Variants in EFR3A observed in about 807,000 individuals in gnomAD.
The protein encoded by EFR3A is protein EFR3 homolog A.
A neutral mutation model predicts 104.4 loss-of-function variants in EFR3A; 76 were observed. The observed-to-expected ratio is 0.73, with a 90% CI of 0.60 to 0.88. EFR3A has a LOEUF of 0.88. EFR3A is among the 40% of genes least tolerant of loss of function. The pLI is 0.00. For synonymous variants in EFR3A, 330 were observed against 330.0 expected (o/e 1.00, Z 0.00); for missense variants, 985 against 1,012.5 (o/e 0.97, Z 0.37).
At chr8:131,905,260 A>G (rs1393241709) in intron 1 of EFR3A, among the ~76,000 whole-genome samples, 2 of 152,170 alleles carry the variant, frequency 1.3e-5, no homozygotes, top group African/African-American at 2.4e-5. Context: ...ACTTGTGAAT[A>G]TATTTCCTAG....
rs1563685054 is a variant in EFR3A at position 131,978,933 on chromosome 8, G to A, written c.1413G>A (p.Glu471=). ...LDPLLSPSLM[E]DYELRQLVLE... is the part of the protein sequence containing the mutation. ...CTTTGTTATCACCATCTCTCATGGA[G>A]GACTACGAACTGAGACAGTTGGTCT... Residue 471 remains glutamate, a synonymous_variant, in exon 13 of 23, where the codon GAG becomes GAA. Transcript: ENST00000254624. The A allele has an allele frequency of 6.2e-7, 1 of 1,613,148 alleles. No homozygotes were observed. Among genetic ancestry groups the A allele is most frequent in the East Asian group, 2.2e-5 (1 of 44,846 alleles).
chr8:131,922,587 A>G (rs868266490), intron 1 of EFR3A, among the ~76,000 whole-genome samples: 2 of 152,290 alleles, frequency 1.3e-5, no homozygotes, highest in South Asian at 2.1e-4. Context: ...AACCCACAAC[A>G]CTTGTCCATT....
Position 132,010,916 on chromosome 8 carries a change from G to C in EFR3A, c.*21G>C, listed in dbSNP as rs4736529. On this transcript the variant is annotated 3_prime_UTR_variant, in exon 23 of 23. Coordinates refer to ENST00000254624, the MANE Select transcript of EFR3A (RefSeq NM_015137.6). ...ACTGATCGGCGCATGAAGACCTCAGGATATGATTTGTAAAGCCTAAAAATT... is the reference window on the plus strand; with the variant it reads ...ACTGATCGGCGCATGAAGACCTCAGCATATGATTTGTAAAGCCTAAAAATT... 1,311,102 of 1,568,626 alleles carry C rather than the reference G, an allele frequency of 0.84. 549,153 individuals carry two copies. The highest frequency in any genetic ancestry group is 0.95 in the East Asian group (42,204 of 44,430).
chr8:131,977,123 C>T (rs774449330), intron 12 of EFR3A, 31 bp downstream of exon 12: 6 of 1,510,932 alleles, frequency 4.0e-6, no homozygotes, highest in South Asian at 2.5e-5. Flanking sequence ...AAAGGACACA[C>T]TTAACCTTAA....
chr8:132,008,519 T>G (rs1366890450), intron 22 of EFR3A, among the ~76,000 whole-genome samples: 1 of 151,514 alleles, frequency 6.6e-6, no homozygotes, highest in Admixed American at 6.6e-5. Context: ...TTGGGGTAAA[T>G]CTGAAAAACA....
chr8:131,987,613 A>G lies in EFR3A; in HGVS notation c.1976A>G (p.Tyr659Cys). Residue 659 changes from tyrosine (Y) to cysteine (C), a missense_variant, in exon 18 of 23, where the codon TAC becomes TGC. By Grantham distance (194) the Tyr-to-Cys change is radical (BLOSUM62 -2). Transcript: ENST00000254624. The stretch of plus-strand genomic sequence containing the variant: ...TTAGAGAAGCATGAAAAAGATTTGT[A>G]CTTTCTGACCAACAAGATTGCAGAG... ...KSLEKHEKDL[Y>C]FLTNKIAESL... 1.3e-6 allele frequency: 2 copies of G among 1,597,774 alleles called. No homozygotes were observed. The highest frequency in any genetic ancestry group is 1.3e-5 in the African/African-American group (1 of 74,844).
intron 1 of EFR3A, among the ~76,000 whole-genome samples, chr8:131,919,987 T>G (rs747194311): frequency 3.9e-5 from 6 of 152,256 alleles, no homozygotes; most frequent in Middle Eastern, 6.8e-3. Context: ...AAGACTTTTC[T>G]GCATGCTGAA....
At chr8:131,967,026 C>T (rs1385747833) in intron 8 of EFR3A, among the ~76,000 whole-genome samples, 1 of 152,258 alleles carries the variant, frequency 6.6e-6, no homozygotes, top group East Asian at 1.9e-4. Flanking sequence ...TCTGCAGTGT[C>T]CCCATTTGGA....
At chr8:132,004,842 T>C (rs1372242297) in intron 22 of EFR3A, among the ~76,000 whole-genome samples, 2 of 152,196 alleles carry the variant, frequency 1.3e-5, no homozygotes, top group Admixed American at 1.3e-4. Flanking sequence ...AGTGGCAAAG[T>C]CAAAATTCAA....
At chr8:131,944,647 T>C (rs1291430698) in intron 2 of EFR3A, 98 bp from the exon 3 acceptor site, 5 of 1,205,946 alleles carry the variant, frequency 4.1e-6, no homozygotes, top group Non-Finnish European at 5.7e-6. Context: ...TATCGTTTAA[T>C]CCCCAATCCA....
intron 5 of EFR3A, among the ~76,000 whole-genome samples, chr8:131,952,637 A>G (rs1363901070): frequency 6.6e-6 from 1 of 152,162 alleles, no homozygotes; most frequent in East Asian, 1.9e-4. Context: ...AGGCTTGCCC[A>G]CTGTGATAGC....
In EFR3A at chr8:131,970,627, TATC is replaced by T; in HGVS notation, c.1147_1149del (p.Ile383del). Reference sequence around the variant, plus strand: ...ATGATGAGAAGATTGTGCAGAATGCTATCATCCAAACAATAGGTGAGTACATTT... The same window carrying T: ...ATGATGAGAAGATTGTGCAGAATGCTATCCAAACAATAGGTGAGTACATTT... On this transcript the variant is annotated inframe_deletion, in exon 10 of 23. Transcript: ENST00000254624. 1 of 1,613,600 alleles carries T rather than the reference TATC, an allele frequency of 6.2e-7. No homozygotes were observed. The highest frequency in any genetic ancestry group is 2.2e-5 in the East Asian group (1 of 44,840).
intron 7 of EFR3A, 113 bp downstream of exon 7, chr8:131,956,018 ACC>A: frequency 8.2e-7 from 1 of 1,226,536 alleles, no homozygotes; most frequent in Non-Finnish European, 1.1e-6. Flanking sequence ...TATTAATGGA[ACC>A]AGTGTAACAT....
intron 19 of EFR3A, among the ~76,000 whole-genome samples, chr8:131,999,340 ACT>A (rs1157543788): frequency 1.3e-5 from 2 of 152,134 alleles, no homozygotes; most frequent in African/African-American, 4.8e-5. Flanking sequence ...TATTAGTCAC[ACT>A]CTGTGGTGCT....
At chr8:131,906,486 G>A (rs1816271988) in intron 1 of EFR3A, among the ~76,000 whole-genome samples, 1 of 152,140 alleles carries the variant, frequency 6.6e-6, no homozygotes, top group Admixed American at 6.5e-5. Flanking sequence ...AATTCCGAGA[G>A]CAACCCTTGC....
At chr8:131,908,398 C>T (rs926059829) in intron 1 of EFR3A, among the ~76,000 whole-genome samples, 4 of 152,090 alleles carry the variant, frequency 2.6e-5, no homozygotes, top group South Asian at 2.1e-4. Context: ...TCAACAGTTA[C>T]GGTGGCTTTT....
At chr8:131,936,004 C>CT (rs990813546) in intron 1 of EFR3A, among the ~76,000 whole-genome samples, 13 of 152,012 alleles carry the variant, frequency 8.6e-5, no homozygotes, top group Non-Finnish European at 1.5e-5. Flanking sequence ...CTCCTAGTAC[C>CT]TTTGAGTGCC....
At chr8:131,904,473 G>C (rs1816141529) in intron 1 of EFR3A, among the ~76,000 whole-genome samples, 151 bp downstream of exon 1, 1 of 152,234 alleles carries the variant, frequency 6.6e-6, no homozygotes, top group Admixed American at 6.5e-5. Context: ...GTTTCGTTTC[G>C]GCTTAGCCTT....
In EFR3A at chr8:131,995,472, A is replaced by G. The variant is rs561411841; in HGVS notation, c.2066-934A>G. 2.0e-5 allele frequency among the ~76,000 whole-genome samples: 3 copies of G among 152,300 alleles called. No homozygotes were observed. In the East Asian group the frequency reaches 5.8e-4, roughly 29 times the overall value. ...TCCCTAACACCTAACAGGGTCTCTA[A>G]TCACTTCCTAGATTTGTTGAGTATT... On this transcript the variant is annotated intron_variant, in intron 18 of 22. Transcript: ENST00000254624.
Sources: allele counts gnomAD v4.1 joint callset (sites outside exome capture counted in the v4.1 genomes callset), GRCh38; gene constraint gnomAD v4.1.1; transcripts MANE v1.5; gene names NCBI Gene and HGNC (gene_info 2026-07-23, HGNC 2026-07-21).